Variants in BMP6 observed in about 807,000 individuals in gnomAD.
BMP6 encodes the protein bone morphogenetic protein 6.
Under a neutral mutation model 54.1 loss-of-function variants are expected in BMP6, and 17 were observed. The ratio of observed to expected loss-of-function variants is 0.31; its 90% CI spans 0.22 to 0.47. The LOEUF is 0.47. Ranked by LOEUF, BMP6 falls within the 20% of genes least tolerant of loss-of-function variation. The probability of loss-of-function intolerance (pLI) is 1.00; values close to 1 mark genes in which losing one functional copy is unlikely to be tolerated. For missense variants in BMP6, 720 were observed against 690.4 expected, an observed-to-expected ratio of 1.04 and a Z score of -0.48; for synonymous variants, 328 against 291.2, an observed-to-expected ratio of 1.13 and a Z score of -1.28.
intron 4 of BMP6, among the ~76,000 whole-genome samples, chr6:7,862,822 C>CT (rs138885277): frequency 0.017 from 2,562 of 152,204 alleles, 67 homozygotes; most frequent in African/African-American, 0.059. Context: ...CACCTAGATT[C>CT]TTTTTTCTAG....
chr6:7,727,006 G>A lies in BMP6; in HGVS notation c.51G>A (p.Leu17=). The A allele has an allele frequency of 8.8e-7, 1 of 1,131,606 alleles. No individual in the cohort carries two copies. The highest frequency in any genetic ancestry group is 1.1e-6 in the Non-Finnish European group (1 of 924,722). The allele number at this position is 1,131,606 out of a possible 1,614,324, so 70.1% of individuals were successfully genotyped here. ...AGTGGCTGTGCTGGTGGTGGGGGCT[G>A]CTGTGCAGCTGCTGCGGGCCCCCGC... is the stretch of plus-strand genomic sequence containing the variant. ...RAQWLCWWWG[L]LCSCCGPPPL... The change falls in exon 1 of 7, where the codon CTG becomes CTA. Residue 17 remains leucine (L), a synonymous_variant. Transcript: ENST00000283147.
chr6:7,795,173 A>G (rs4959459), intron 1 of BMP6, among the ~76,000 whole-genome samples: 87,547 of 152,016 alleles, frequency 0.58, 25,561 homozygotes, highest in Admixed American at 0.63. Context: ...CATAGTCCCC[A>G]TGTCTGTAAC....
chr6:7,855,394 C>T (rs1388421967), intron 2 of BMP6, among the ~76,000 whole-genome samples: 2 of 152,020 alleles, frequency 1.3e-5, no homozygotes, highest in East Asian at 3.9e-4. Flanking sequence ...ATGTGTTAAG[C>T]CCCCGCAGGG....
intron 2 of BMP6, among the ~76,000 whole-genome samples, chr6:7,855,237 A>G (rs761088964): frequency 3.4e-4 from 51 of 152,216 alleles, no homozygotes; most frequent in Non-Finnish European, 6.8e-4. Context: ...ATGGAGAGGT[A>G]GTCTGGCTTT....
intron 4 of BMP6, among the ~76,000 whole-genome samples, chr6:7,877,890 C>T (rs1211557240): frequency 1.3e-5 from 2 of 152,214 alleles, no homozygotes; most frequent in African/African-American, 4.8e-5. Flanking sequence ...TCCAACACAA[C>T]TCCAGATGGA....
At chr6:7,754,645 T>G (rs1757484476) in intron 1 of BMP6, among the ~76,000 whole-genome samples, 1 of 152,228 alleles carries the variant, frequency 6.6e-6, no homozygotes, top group Admixed American at 6.5e-5. Context: ...CATCTTTGTC[T>G]GAAATTAATA....
At chr6:7,843,314 C>A (rs769762837) in intron 1 of BMP6, among the ~76,000 whole-genome samples, 3 of 151,654 alleles carry the variant, frequency 2.0e-5, no homozygotes, top group Admixed American at 6.6e-5. Flanking sequence ...TGTGTAATTA[C>A]ATGGCAGTTT....
At chr6:7,800,090 G>T (rs1758248003) in intron 1 of BMP6, among the ~76,000 whole-genome samples, 1 of 124,874 alleles carries the variant, frequency 8.0e-6, no homozygotes, top group South Asian at 2.5e-4. Context: ...GTGTGTGTGT[G>T]TGTGTGTGTG....
intron 1 of BMP6, among the ~76,000 whole-genome samples, chr6:7,732,013 C>T (rs953721289): frequency 9.2e-5 from 14 of 152,102 alleles, no homozygotes; most frequent in Admixed American, 7.9e-4. Flanking sequence ...GCTAAAAATA[C>T]TGGCAATTTT....
intron 1 of BMP6, among the ~76,000 whole-genome samples, chr6:7,756,800 A>C: frequency 6.6e-6 from 1 of 152,208 alleles, no homozygotes; most frequent in East Asian, 1.9e-4. Context: ...ACATTCTTTT[A>C]AGAACTCTAC....
Position 7,726,837 on chromosome 6 carries a change from C to G in BMP6, c.-119C>G. 1.8e-6 allele frequency: 1 copy of G among 554,492 alleles called. No homozygotes were observed. The highest frequency in any genetic ancestry group is 2.3e-6 in the Non-Finnish European group (1 of 425,716). The allele number at this position is 554,492 out of a possible 1,614,324, so 34.3% of individuals were successfully genotyped here. On this transcript the variant is annotated 5_prime_UTR_variant, in exon 1 of 7. Transcript: ENST00000283147. ...AGGACTGAGGGCCAGGAAGGGGAAG[C>G]GAGCCCGCCGAGAGGTGGCGGGGAC...
chr6:7,742,634 C>T (rs1035268299), intron 1 of BMP6, among the ~76,000 whole-genome samples: 1 of 152,158 alleles, frequency 6.6e-6, no homozygotes, highest in African/African-American at 2.4e-5. Flanking sequence ...GTTCGTTGCC[C>T]GAAACAGATG....
intron 1 of BMP6, among the ~76,000 whole-genome samples, chr6:7,768,345 A>C (rs1247855061): frequency 6.6e-6 from 1 of 152,152 alleles, no homozygotes; most frequent in African/African-American, 2.4e-5. Flanking sequence ...AGTCTTGTCC[A>C]CGCTGAGCCT....
intron 1 of BMP6, among the ~76,000 whole-genome samples, chr6:7,796,011 A>G (rs1198086561): frequency 6.6e-6 from 1 of 152,182 alleles, no homozygotes; most frequent in Non-Finnish European, 1.5e-5. Flanking sequence ...ATCATTTGTA[A>G]GAAAGGTGAT....
At chr6:7,876,016 G>A (rs1302993752) in intron 4 of BMP6, among the ~76,000 whole-genome samples, 4 of 152,122 alleles carry the variant, frequency 2.6e-5, no homozygotes, top group South Asian at 2.1e-4. Context: ...TCATGAGTCC[G>A]TACTTCAGAT....
chr6:7,730,019 G>C (rs541443052), intron 1 of BMP6, among the ~76,000 whole-genome samples: 2 of 152,308 alleles, frequency 1.3e-5, no homozygotes, highest in East Asian at 3.9e-4. Context: ...TCATTGTTTT[G>C]TCAAGATCTC....
intron 1 of BMP6, among the ~76,000 whole-genome samples, chr6:7,801,748 G>A (rs1386096777): frequency 6.6e-6 from 1 of 152,228 alleles, no homozygotes; most frequent in Non-Finnish European, 1.5e-5. Context: ...GATGCCTTCT[G>A]CCTCTTTGCA....
At chr6:7,741,936 A>C (rs912885154) in intron 1 of BMP6, among the ~76,000 whole-genome samples, 1 of 152,232 alleles carries the variant, frequency 6.6e-6, no homozygotes, top group African/African-American at 2.4e-5. Flanking sequence ...CCTCCCCCCA[A>C]GTGCCTAGCA....
chr6:7,741,827 T>C (rs1046404670), intron 1 of BMP6, among the ~76,000 whole-genome samples: 8 of 152,258 alleles, frequency 5.3e-5, no homozygotes, highest in African/African-American at 1.9e-4. Flanking sequence ...GCGTTGGCTC[T>C]GCTACCCCTC....
Sources: gnomAD v4.1 joint callset for allele counts (sites outside exome capture counted in the v4.1 genomes callset) on GRCh38, gnomAD v4.1.1 for gene constraint, MANE v1.5 for transcripts, NCBI Gene and HGNC (gene_info 2026-07-23, HGNC 2026-07-21) for gene names.